Variants in SGCZ observed in about 807,000 individuals in gnomAD.
SGCZ encodes zeta-sarcoglycan.
Under a neutral mutation model 41.3 loss-of-function variants are expected in SGCZ, and 40 were observed. The ratio of observed to expected loss-of-function variants is 0.97; its 90% CI spans 0.75 to 1.26. The LOEUF (loss-of-function observed/expected upper bound fraction) is 1.26. Ranked by LOEUF, SGCZ falls within the 50% of genes most tolerant of loss-of-function variation. The pLI, the probability that SGCZ is intolerant of heterozygous loss-of-function variation, is 0.00. For missense variants in SGCZ, 552 were observed against 369.8 expected (o/e 1.49, Z -4.04); for synonymous variants, 206 against 137.5 (o/e 1.50, Z -3.49).
At chr8:15,101,027 A>G (rs1477881443) in intron 1 of SGCZ, among the ~76,000 whole-genome samples, 1 of 152,156 alleles carries the variant, frequency 6.6e-6, no homozygotes, top group Non-Finnish European at 1.5e-5. Flanking sequence ...GTAATAAAAA[A>G]CAAATGGTGA....
intron 2 of SGCZ, among the ~76,000 whole-genome samples, chr8:14,388,773 T>A (rs898274734): frequency 2.0e-4 from 31 of 151,702 alleles, no homozygotes; most frequent in African/African-American, 7.5e-4. Flanking sequence ...GATGCAAGTT[T>A]ACTATGTAAA....
chr8:15,054,427 C>A (rs968832909), intron 1 of SGCZ, among the ~76,000 whole-genome samples: 2 of 151,988 alleles, frequency 1.3e-5, no homozygotes, highest in Non-Finnish European at 2.9e-5. Context: ...ACCCCCACAC[C>A]ACACAGGTAA....
chr8:14,772,759 A>G (rs1262276881), intron 1 of SGCZ, among the ~76,000 whole-genome samples: 1 of 151,984 alleles, frequency 6.6e-6, no homozygotes, highest in African/African-American at 2.4e-5. Flanking sequence ...ACATGAACTC[A>G]TCATTTTTTG....
At chr8:14,421,684 G>T (rs186462811) in intron 2 of SGCZ, among the ~76,000 whole-genome samples, 3 of 152,210 alleles carry the variant, frequency 2.0e-5, no homozygotes, top group Non-Finnish European at 2.9e-5. Context: ...TAAGATGTAA[G>T]CACAAGCCCT....
chr8:14,477,612 A>C (rs1021733015), intron 2 of SGCZ, among the ~76,000 whole-genome samples: 1 of 152,198 alleles, frequency 6.6e-6, no homozygotes, highest in East Asian at 1.9e-4. Flanking sequence ...CAAAAGGTTA[A>C]TAAATGGCTC....
Position 15,159,438 on chromosome 8 carries a change from T to C in SGCZ, c.39+78147A>G, listed in dbSNP as rs145884522. On this transcript the variant is annotated intron_variant, in intron 1 of 7. Coordinates refer to ENST00000382080, the MANE Select transcript of SGCZ (RefSeq NM_139167.4). The stretch of plus-strand genomic sequence containing the variant: ...CTTGAAACCAGTCATCAGAAGTTCC[T>C]GAGGCTTGGGCTTGTGACTGGCATC... Among the ~76,000 whole-genome samples the C allele has an allele frequency of 5.6e-4, 85 of 152,296 alleles. 2 individuals carry two copies. The South Asian group carries it at 0.012, about 21-fold the overall frequency.
intron 1 of SGCZ, among the ~76,000 whole-genome samples, chr8:15,075,471 TG>T (rs1380086113): frequency 6.6e-6 from 1 of 152,132 alleles, no homozygotes; most frequent in East Asian, 1.9e-4. Context: ...TAAAGTTACA[TG>T]GTGGCATAGA....
chr8:14,988,037 A>G (rs1236580552), intron 1 of SGCZ, among the ~76,000 whole-genome samples: 1 of 151,986 alleles, frequency 6.6e-6, no homozygotes, highest in African/African-American at 2.4e-5. Flanking sequence ...TGAGCCTACC[A>G]TCCTCATGTT....
chr8:15,196,446 G>C (rs1260022765), intron 1 of SGCZ, among the ~76,000 whole-genome samples: 1 of 152,106 alleles, frequency 6.6e-6, no homozygotes, highest in Non-Finnish European at 1.5e-5. Context: ...TAGAATACAT[G>C]AAATGTTATC....
At chr8:14,801,536 T>C (rs1334072457) in intron 1 of SGCZ, among the ~76,000 whole-genome samples, 1 of 152,216 alleles carries the variant, frequency 6.6e-6, no homozygotes, top group Non-Finnish European at 1.5e-5. Flanking sequence ...TATTTTCACC[T>C]TGTTTACTTC....
At chr8:15,172,159 T>TTTTTTATTTATTTATTTTATTTTA (rs1233799056) in intron 1 of SGCZ, among the ~76,000 whole-genome samples, 1 of 96,996 alleles carries the variant, frequency 1.0e-5, no homozygotes, top group African/African-American at 3.5e-5. Flanking sequence ...ACTCTGTTTT[T>TTTTTTATTTATTTATTTTATTTTA]TTTTTTTTTT....
chr8:14,522,114 C>G (rs972456265), intron 2 of SGCZ, among the ~76,000 whole-genome samples: 1 of 151,944 alleles, frequency 6.6e-6, no homozygotes, highest in Non-Finnish European at 1.5e-5. Context: ...TGGTAGAAAC[C>G]TTAGTTGCTC....
intron 2 of SGCZ, among the ~76,000 whole-genome samples, chr8:14,480,152 C>T (rs1214791720): frequency 6.6e-6 from 1 of 152,194 alleles, no homozygotes; most frequent in Non-Finnish European, 1.5e-5. Context: ...TCTACTTCTA[C>T]ACTGAAACAG....
chr8:15,100,189 C>G (rs1453434572), intron 1 of SGCZ, among the ~76,000 whole-genome samples: 2 of 152,088 alleles, frequency 1.3e-5, no homozygotes, highest in African/African-American at 4.8e-5. Context: ...ACTTGATTGT[C>G]TATGCAGAAA....
chr8:14,319,135 G>A (rs1291028451), intron 3 of SGCZ, among the ~76,000 whole-genome samples: 1 of 151,938 alleles, frequency 6.6e-6, no homozygotes, highest in Non-Finnish European at 1.5e-5. Context: ...TGCTTTCTCT[G>A]AAGTAGAAGA....
chr8:14,606,562 C>T (rs1240025622), intron 1 of SGCZ, among the ~76,000 whole-genome samples: 3 of 152,128 alleles, frequency 2.0e-5, no homozygotes, highest in Non-Finnish European at 2.9e-5. Context: ...CAAATCAGTC[C>T]CTTTGTCCCT....
intron 4 of SGCZ, among the ~76,000 whole-genome samples, chr8:14,230,057 A>C (rs1186040334): frequency 1.3e-5 from 2 of 152,188 alleles, no homozygotes; most frequent in Non-Finnish European, 2.9e-5. Flanking sequence ...TTTGCACAAA[A>C]TACGTGCCTA....
intron 3 of SGCZ, among the ~76,000 whole-genome samples, chr8:14,305,610 G>A (rs1296233479): frequency 1.3e-5 from 2 of 152,164 alleles, no homozygotes; most frequent in Non-Finnish European, 2.9e-5. Context: ...CAGAGAGAGT[G>A]TTATTACTAA....
intron 2 of SGCZ, among the ~76,000 whole-genome samples, chr8:14,357,467 A>G (rs903201498): frequency 6.6e-6 from 1 of 152,200 alleles, no homozygotes; most frequent in Non-Finnish European, 1.5e-5. Context: ...CAAATATTCC[A>G]TTTTGTCTCT....
Sources: gnomAD v4.1 joint callset for allele counts (sites outside exome capture counted in the v4.1 genomes callset) on GRCh38, gnomAD v4.1.1 for gene constraint, MANE v1.5 for transcripts, NCBI Gene and HGNC (gene_info 2026-07-23, HGNC 2026-07-21) for gene names.